TPD52: variants seen among roughly 807,000 people sequenced by gnomAD.
TPD52 encodes tumor protein D52.
A neutral mutation model predicts 31.3 loss-of-function variants in TPD52; 17 were observed. The observed-to-expected ratio is 0.54, with a 90% CI of 0.37 to 0.82. TPD52 has a LOEUF of 0.82. Ranked by LOEUF, TPD52 falls within the 40% of genes least tolerant of loss-of-function variation. The probability of loss-of-function intolerance (pLI) is 0.00; values close to 1 mark genes in which losing one functional copy is unlikely to be tolerated. For synonymous variants in TPD52, 83 were observed against 89.6 expected (o/e 0.93, Z 0.42); for missense variants, 212 against 240.1 (o/e 0.88, Z 0.77).
At chr8:80,099,946 A>G (rs1040704613) in intron 1 of TPD52, among the ~76,000 whole-genome samples, 4 of 152,238 alleles carry the variant, frequency 2.6e-5, no homozygotes, top group African/African-American at 9.6e-5. Context: ...TATCAAGATG[A>G]CAAACCTATT....
At chr8:80,085,490 T>C (rs1342993479) in intron 1 of TPD52, among the ~76,000 whole-genome samples, 1 of 152,200 alleles carries the variant, frequency 6.6e-6, no homozygotes, top group Non-Finnish European at 1.5e-5. Context: ...GGAGACAATG[T>C]GGCTGTCCAC....
At position 80,053,269 on chromosome 8, in the gene TPD52, C is replaced by T. The variant is rs756948218; in HGVS notation, c.284+13G>A. 1.2e-6 allele frequency: 2 copies of T among 1,612,280 alleles called. No homozygotes were observed. Among genetic ancestry groups the T allele is most frequent in the Non-Finnish European group, 1.7e-6 (2 of 1,179,024 alleles). On this transcript the variant is annotated intron_variant, in intron 3 of 7. Transcript: ENST00000518937. ...TACACTCCCAAGGAAAGTGTATGAT[C>T]AAGGAAACATACGCAGATGTTGCTG...
chr8:80,145,572 CTTCT>C (rs1018091417), intron 1 of TPD52, among the ~76,000 whole-genome samples: 1 of 152,182 alleles, frequency 6.6e-6, no homozygotes, highest in Non-Finnish European at 1.5e-5. Context: ...AAGAATTTTT[CTTCT>C]TTCAGGAGTA....
chr8:80,126,574 TG>T (rs1808624876), intron 1 of TPD52, among the ~76,000 whole-genome samples: 1 of 150,132 alleles, frequency 6.7e-6, no homozygotes, highest in African/African-American at 2.5e-5. Context: ...CTCCACCTCC[TG>T]GGTTCAAGTA....
chr8:80,050,559 G>A (rs991490121), intron 4 of TPD52, 88 bp from the exon 5 acceptor site: 19 of 1,336,788 alleles, frequency 1.4e-5, no homozygotes, highest in Admixed American at 2.2e-5. Context: ...AACATATAAT[G>A]TTTTCCCTGG....
intron 1 of TPD52, among the ~76,000 whole-genome samples, chr8:80,137,710 T>TTC (rs1809532538): frequency 6.6e-6 from 1 of 152,222 alleles, no homozygotes; most frequent in African/African-American, 2.4e-5. Context: ...AGTAGGACTC[T>TTC]TACAGCAGTA....
chr8:80,115,344 G>A (rs1807789892), intron 1 of TPD52, among the ~76,000 whole-genome samples: 1 of 152,160 alleles, frequency 6.6e-6, no homozygotes, highest in African/African-American at 2.4e-5. Context: ...AGTCTAAAAT[G>A]GAGATACCAA....
At chr8:80,166,903 TA>T (rs1196024177) in intron 1 of TPD52, among the ~76,000 whole-genome samples, 1 of 151,852 alleles carries the variant, frequency 6.6e-6, no homozygotes, top group Non-Finnish European at 1.5e-5. Context: ...GAGACACTGT[TA>T]AAAAAAATAA....
chr8:80,056,079 C>G (rs1811844727), intron 2 of TPD52, among the ~76,000 whole-genome samples: 1 of 152,102 alleles, frequency 6.6e-6, no homozygotes, highest in South Asian at 2.1e-4. Context: ...TCAAAGGGTA[C>G]CTACACCCCC....
chr8:80,046,962 G>A (rs534106982), intron 5 of TPD52, among the ~76,000 whole-genome samples: 58 of 152,304 alleles, frequency 3.8e-4, no homozygotes, highest in African/African-American at 1.4e-3. Context: ...GGGAGGAGGA[G>A]AAGGGAAAGT....
intron 1 of TPD52, among the ~76,000 whole-genome samples, chr8:80,162,400 A>G (rs950889574): frequency 3.3e-5 from 5 of 152,188 alleles, no homozygotes; most frequent in African/African-American, 9.6e-5. Context: ...CCCAAAGTAG[A>G]TAAGTAACAA....
At chr8:80,038,307 C>T (rs1032278829) in intron 7 of TPD52, 72 bp from the exon 8 acceptor site, 103 of 1,520,346 alleles carry the variant, frequency 6.8e-5, no homozygotes, top group Middle Eastern at 1.7e-4. Flanking sequence ...TAAAGTAACT[C>T]TAATTCACTT....
intron 1 of TPD52, among the ~76,000 whole-genome samples, chr8:80,071,270 T>C (rs1356569009): frequency 3.3e-5 from 5 of 152,136 alleles, no homozygotes; most frequent in African/African-American, 4.8e-5. Flanking sequence ...GATTCAGCCA[T>C]TGACTAGTTG....
chr8:80,164,522 A>G (rs1276097494), intron 1 of TPD52, among the ~76,000 whole-genome samples: 1 of 152,204 alleles, frequency 6.6e-6, no homozygotes, highest in African/African-American at 2.4e-5. Flanking sequence ...AAACCATAAA[A>G]GCATAAACTC....
At chr8:80,095,969 C>A (rs1006813271) in intron 1 of TPD52, among the ~76,000 whole-genome samples, 3 of 151,862 alleles carry the variant, frequency 2.0e-5, no homozygotes, top group Non-Finnish European at 4.4e-5. Context: ...TACATACATA[C>A]TATCGGCCAG....
intron 1 of TPD52, among the ~76,000 whole-genome samples, chr8:80,109,387 C>A (rs1807351468): frequency 6.6e-6 from 1 of 152,116 alleles, no homozygotes; most frequent in Admixed American, 6.6e-5. Flanking sequence ...ATTATGCAAT[C>A]AAATTAGTCT....
intron 1 of TPD52, among the ~76,000 whole-genome samples, chr8:80,090,049 T>C (rs535866367): frequency 2.0e-5 from 3 of 152,148 alleles, no homozygotes; most frequent in Admixed American, 2.0e-4. Flanking sequence ...GCAGAAGTGG[T>C]AGGCAGTGGA....
rs150812438 is a variant in TPD52, at chr8:80,134,329, A to G, written c.19+37096T>C. On this transcript the variant is annotated intron_variant, in intron 1 of 7. Transcript: ENST00000518937. ...GAGACATGTCCCTGGGCTCACCTTT[A>G]CAAGAGGAAAATGGTTTGCCCCAAT... 7.7e-4 allele frequency among the ~76,000 whole-genome samples: 117 copies of G among 152,340 alleles called. 2 individuals are homozygous for G. Among genetic ancestry groups the G allele is most frequent in the African/African-American group, 2.7e-3 (114 of 41,582 alleles).
At chr8:80,096,319 A>ACACACACAC (rs1563622982) in intron 1 of TPD52, among the ~76,000 whole-genome samples, 235 of 139,344 alleles carry the variant, frequency 1.7e-3, no homozygotes, top group African/African-American at 6.1e-3. Context: ...CACACACACA[A>ACACACACAC]ACTTCTCCTA....
Sources: allele counts gnomAD v4.1 joint callset (sites outside exome capture counted in the v4.1 genomes callset), GRCh38; gene constraint gnomAD v4.1.1; transcripts MANE v1.5; gene names NCBI Gene and HGNC (gene_info 2026-07-23, HGNC 2026-07-21).